The following SVIL variants were observed in gnomAD, a reference collection of about 807,000 sequenced individuals.
SVIL encodes supervillin, also known as archvillin.
In SVIL, 101 loss-of-function variants were observed where a neutral mutation model predicts 240.4. That is an observed-to-expected ratio of 0.42 (90% CI 0.36 to 0.50). The LOEUF (loss-of-function observed/expected upper bound fraction) is 0.50, where lower values mean the gene tolerates loss of function less well. SVIL is among the 20% of genes least tolerant of loss of function. SVIL has a pLI of 0.01. For missense variants in SVIL, 2,512 were observed against 2,818.7 expected (o/e 0.89, Z 2.46); for synonymous variants, 999 against 1,100.0 (o/e 0.91, Z 1.82).
At chr10:29,575,556 A>G (rs1955654329) in intron 1 of SVIL, among the ~76,000 whole-genome samples, 1 of 152,234 alleles carries the variant, frequency 6.6e-6, no homozygotes. Context: ...TAAGTTTCCT[A>G]TAATTCCTAA....
chr10:29,638,637 T>C (rs933128651), upstream of SVIL, among the ~76,000 whole-genome samples: 1 of 152,200 alleles, frequency 6.6e-6, no homozygotes, highest in Non-Finnish European at 1.5e-5. Flanking sequence ...ATCAATGCCA[T>C]CTTACGAATT....
At chr10:29,626,959 GC>G (rs1957898366) in intron 1 of SVIL, among the ~76,000 whole-genome samples, 1 of 152,204 alleles carries the variant, frequency 6.6e-6, no homozygotes, top group African/African-American at 2.4e-5. Flanking sequence ...GGGAGGCGGA[GC>G]TTGCAGTGAG....
intron 1 of SVIL, among the ~76,000 whole-genome samples, chr10:29,585,086 CTT>C (rs111923900): frequency 1.0e-4 from 15 of 145,454 alleles, no homozygotes; most frequent in Non-Finnish European, 6.0e-5. Context: ...ATTCTTCTTC[CTT>C]TTTTTTTTTT....
At chr10:29,580,171 A>G (rs537727458) in intron 1 of SVIL, among the ~76,000 whole-genome samples, 8 of 151,692 alleles carry the variant, frequency 5.3e-5, no homozygotes, top group Non-Finnish European at 1.0e-4. Context: ...TCTACAAAAA[A>G]TTTAAAAAAA....
At chr10:29,616,986 G>A (rs745586825) in intron 1 of SVIL, among the ~76,000 whole-genome samples, 1 of 152,208 alleles carries the variant, frequency 6.6e-6, no homozygotes, top group Non-Finnish European at 1.5e-5. Flanking sequence ...GCCTCCCAAA[G>A]TGCTGGGATT....
chr10:29,459,690 T>A (rs985886931), intron 36 of SVIL, among the ~76,000 whole-genome samples: 1 of 152,178 alleles, frequency 6.6e-6, no homozygotes, highest in Admixed American at 6.5e-5. Context: ...CCATTAAACT[T>A]GGGACCCCAG....
chr10:29,498,088 CAA>C (rs34280398), intron 18 of SVIL, among the ~76,000 whole-genome samples: 1 of 37,488 alleles, frequency 2.7e-5, no homozygotes. Context: ...TCCCCTCCAC[CAA>C]AAAAAAAAAA....
intron 2 of SVIL, among the ~76,000 whole-genome samples, chr10:29,682,672 C>T (rs945977791): frequency 6.6e-6 from 1 of 152,172 alleles, no homozygotes. Flanking sequence ...TGGAATTAGA[C>T]AGGCTTGGTG....
rs1185909726 is a variant in SVIL, at chr10:29,532,674, G to A, written c.1693C>T (p.Pro565Ser). Residue 565 changes from proline (P) to serine (S), a missense_variant, in exon 8 of 38, where the codon CCA becomes TCA. Physicochemically the swap from Pro to Ser is moderately conservative, Grantham distance 74. Around this residue, in one of 3 missense-constraint regions of SVIL, gnomAD observed 1,443 missense variants for 1,486.6 expected, o/e 0.97. Coordinates refer to ENST00000355867, the MANE Select transcript of SVIL (RefSeq NM_021738.3). Reference protein sequence around the residue: ...PQLQALKYKDPASRRELELPS... With the variant: ...PQLQALKYKDSASRRELELPS... ...AGCTCCAGCTCTCTCCTGGAAGCTG[G>A]GTCCTTATACTTCAAGGCCTGGAGC... The A allele has an allele frequency of 6.2e-7, 1 of 1,614,158 alleles. No homozygotes were observed. The highest frequency in any genetic ancestry group is 1.7e-5 in the Admixed American group (1 of 60,018).
At chr10:29,465,866 T>C (rs1944849497) in intron 33 of SVIL, 116 bp from the exon 34 acceptor site, 1 of 1,351,988 alleles carries the variant, frequency 7.4e-7, no homozygotes, top group Non-Finnish European at 1.0e-6. Context: ...ACAGGTAGGA[T>C]TTATCTGAGC....
rs116281283 is a variant in SVIL, at chr10:29,598,361, T to G, written c.-200-29049A>C. Among the ~76,000 whole-genome samples the G allele has an allele frequency of 8.6e-3, 1,302 of 152,256 alleles. 25 individuals are homozygous for G. Among genetic ancestry groups the G allele is most frequent in the African/African-American group, 0.03 (1,237 of 41,518 alleles). Reference sequence around the variant, plus strand: ...AACTGTACACTTCAAATGGTTAAGATAGTACATTTTATGGTGTGTGTATTT... The same window carrying G: ...AACTGTACACTTCAAATGGTTAAGAGAGTACATTTTATGGTGTGTGTATTT... On this transcript the variant is annotated intron_variant, in intron 1 of 37. Coordinates refer to ENST00000355867, the MANE Select transcript of SVIL (RefSeq NM_021738.3).
At chr10:29,607,874 C>G (rs996520036) in intron 1 of SVIL, among the ~76,000 whole-genome samples, 2 of 152,230 alleles carry the variant, frequency 1.3e-5, no homozygotes, top group African/African-American at 4.8e-5. Flanking sequence ...AAGATGTGAA[C>G]TGAGTTGCGA....
intron 3 of SVIL, among the ~76,000 whole-genome samples, chr10:29,649,315 G>A (rs1044532918): frequency 3.3e-4 from 50 of 152,130 alleles, no homozygotes; most frequent in Non-Finnish European, 1.2e-4. Context: ...AAATGAAGAT[G>A]CTTCTTTCAA....
intron 1 of SVIL, among the ~76,000 whole-genome samples, chr10:29,690,814 A>G (rs1029839180): frequency 2.0e-5 from 3 of 152,222 alleles, no homozygotes; most frequent in Admixed American, 6.5e-5. Flanking sequence ...GCTGATTTGC[A>G]TATTGTGATT....
rs141034979 is a variant in SVIL at position 29,516,922 on chromosome 10, A to G, written c.3390-4061T>C. The stretch of plus-strand genomic sequence containing the variant: ...GAGACATGACAACCATGTGCCCCTA[A>G]TATTAAATAAGATGTGTTTTCTCTC... On this transcript the variant is annotated intron_variant, in intron 16 of 37. Coordinates refer to ENST00000355867, the MANE Select transcript of SVIL (RefSeq NM_021738.3). Among the ~76,000 whole-genome samples the G allele has an allele frequency of 1.1e-3, 173 of 152,328 alleles. 1 individual carries two copies. Among genetic ancestry groups the G allele is most frequent in the African/African-American group, 4.0e-3 (168 of 41,576 alleles).
chr10:29,560,940 G>A (rs1213821823), intron 3 of SVIL, among the ~76,000 whole-genome samples: 1 of 150,858 alleles, frequency 6.6e-6, no homozygotes, highest in Non-Finnish European at 1.5e-5. Flanking sequence ...CCGGGTTCAA[G>A]CGATTCTCCT....
chr10:29,467,668 G>C (rs1433277011), intron 33 of SVIL, 74 bp downstream of exon 33: 17 of 1,583,234 alleles, frequency 1.1e-5, no homozygotes, highest in Non-Finnish European at 1.5e-5. Flanking sequence ...ACTCCAGCCT[G>C]GATAACAGAG....
At chr10:29,685,150 T>C (rs938553539) in intron 2 of SVIL, among the ~76,000 whole-genome samples, 1 of 152,224 alleles carries the variant, frequency 6.6e-6, no homozygotes, top group Admixed American at 6.5e-5. Context: ...TAGCTTCCAC[T>C]TATGCATGAG....
At chr10:29,503,547 G>GA (rs760803366) in intron 17 of SVIL, among the ~76,000 whole-genome samples, 9 of 152,132 alleles carry the variant, frequency 5.9e-5, no homozygotes, top group Non-Finnish European at 1.0e-4. Context: ...CTTGACCTCT[G>GA]AAAACACAGA....
Sources: gnomAD v4.1 joint callset for allele counts (sites outside exome capture counted in the v4.1 genomes callset) on GRCh38, gnomAD v4.1.1 for gene constraint, gnomAD v4.1.1 regional missense constraint, MANE v1.5 for transcripts, NCBI Gene and HGNC (gene_info 2026-07-23, HGNC 2026-07-21) for gene names.